FAM222B: variants seen among roughly 807,000 people sequenced by gnomAD.
The protein encoded by FAM222B is protein FAM222B.
Under a neutral mutation model 38.0 loss-of-function variants are expected in FAM222B, and 12 were observed. The observed-to-expected ratio is 0.32, with a 90% confidence interval of 0.20 to 0.51. The LOEUF (loss-of-function observed/expected upper bound fraction) is 0.51, where lower values mean the gene tolerates loss of function less well. Among genes scored for constraint, FAM222B ranks in the 20% least tolerant of loss-of-function variants. FAM222B has a pLI of 0.97. For synonymous variants in FAM222B, 329 were observed against 317.2 expected (o/e 1.04, Z -0.40); for missense variants, 716 against 754.2 (o/e 0.95, Z 0.59).
At chr17:28,821,190 G>A (rs537845108) in intron 1 of FAM222B, among the ~76,000 whole-genome samples, 5 of 151,926 alleles carry the variant, frequency 3.3e-5, no homozygotes, top group Non-Finnish European at 4.4e-5. Context: ...TCTTGACCTC[G>A]TGATCCACCC....
At chr17:28,773,479 CAAAAAAAAAA>C (rs66716142) in intron 1 of FAM222B, among the ~76,000 whole-genome samples, 5 of 60,788 alleles carry the variant, frequency 8.2e-5, no homozygotes, top group Non-Finnish European at 1.1e-4. Flanking sequence ...AACTCTGTCT[CAAAAAAAAAA>C]AAAAAAAAAA....
Position 28,792,838 on chromosome 17 carries a change from A to C in FAM222B, c.-40-26131T>G, listed in dbSNP as rs114279048. On this transcript the variant is annotated intron_variant, in intron 1 of 2. Coordinates refer to ENST00000581407, the MANE Select transcript of FAM222B (RefSeq NM_001077498.3). ...ACAGAAAGAGAAATGTCTATCTTGA[A>C]GGAGGAGCTGTTAATGATCCTCCCT... is the stretch of plus-strand genomic sequence containing the variant. Among the ~76,000 whole-genome samples, 588 of 151,926 alleles carry C rather than the reference A, an allele frequency of 3.9e-3. 5 individuals are homozygous for C. Among genetic ancestry groups the C allele is most frequent in the African/African-American group, 0.014 (569 of 41,496 alleles).
At chr17:28,773,479 C>CAA (rs66716142) in intron 1 of FAM222B, among the ~76,000 whole-genome samples, 736 of 60,056 alleles carry the variant, frequency 0.012, 12 homozygotes, top group East Asian at 0.019. Context: ...AACTCTGTCT[C>CAA]AAAAAAAAAA....
chr17:28,766,493 G>A, intron 2 of FAM222B, 93 bp downstream of exon 2: 1 of 953,284 alleles, frequency 1.0e-6, no homozygotes, highest in Non-Finnish European at 1.6e-6. Flanking sequence ...CAAAATTCAA[G>A]GTCAGTGTAC....
At chr17:28,828,682 AT>A (rs1308801621) in intron 1 of FAM222B, among the ~76,000 whole-genome samples, 2 of 152,220 alleles carry the variant, frequency 1.3e-5, no homozygotes, top group African/African-American at 2.4e-5. Context: ...AAAAAAGAAA[AT>A]TAAGCTAAAA....
rs2034724856 is a variant in FAM222B, at chr17:28,756,897, CCA to C, written c.*1371_*1372del. On this transcript the variant is annotated 3_prime_UTR_variant, in exon 3 of 3. Coordinates refer to ENST00000581407, the MANE Select transcript of FAM222B (RefSeq NM_001077498.3). ...AATAAGAACCATCAGCTGACATTCC[CCA>C]GAGACAAGAGGAAAGGTAAGGGCTT... The C allele has an allele frequency of 1.3e-5, 2 of 152,268 alleles. No individual in the cohort carries two copies. The highest frequency in any genetic ancestry group is 1.3e-4 in the Admixed American group (2 of 15,254). The allele number at this position is 152,268 out of a possible 1,614,324, so 9.4% of individuals were successfully genotyped here.
chr17:28,813,116 A>G lies in FAM222B; in HGVS notation c.-41+29566T>C, dbSNP rs2037873068. ...TGGGGTGGAGAAGGGAATACATGAAATCATCAGACACAAAAAAAAAAAAAA... is the reference window on the plus strand; with the variant it reads ...TGGGGTGGAGAAGGGAATACATGAAGTCATCAGACACAAAAAAAAAAAAAA... On this transcript the variant is annotated intron_variant, in intron 1 of 2. Coordinates refer to ENST00000581407, the MANE Select transcript of FAM222B (RefSeq NM_001077498.3). Among the ~76,000 whole-genome samples the G allele has an allele frequency of 1.7e-5, 2 of 116,522 alleles. 1 individual carries two copies. The highest frequency in any genetic ancestry group is 6.1e-4 in the South Asian group (2 of 3,254). 76.4% of individuals were successfully genotyped at this position (116,522 alleles called of 152,430 possible).
chr17:28,840,603 C>T (rs1393413740), intron 1 of FAM222B, among the ~76,000 whole-genome samples: 5 of 152,054 alleles, frequency 3.3e-5, no homozygotes, highest in Admixed American at 2.6e-4. Context: ...TCCAAAACAG[C>T]GACAGGTCCC....
chr17:28,805,411 T>C (rs2037439595), intron 1 of FAM222B, among the ~76,000 whole-genome samples: 1 of 152,158 alleles, frequency 6.6e-6, no homozygotes, highest in Admixed American at 6.5e-5. Context: ...GGTACATGCC[T>C]GTAATCCCAG....
intron 1 of FAM222B, among the ~76,000 whole-genome samples, chr17:28,842,030 A>AATTC (rs1435280697): frequency 7.2e-5 from 11 of 152,234 alleles, no homozygotes; most frequent in Non-Finnish European, 1.5e-4. Context: ...CATTAACATC[A>AATTC]ACATAGTACT....
intron 1 of FAM222B, among the ~76,000 whole-genome samples, chr17:28,768,763 A>AAGGCAGAGGTTGCAGT (rs1201345766): frequency 6.6e-6 from 1 of 150,472 alleles, no homozygotes; most frequent in East Asian, 2.0e-4. Context: ...TTGAACCCAG[A>AAGGCAGAGGTTGCAGT]AGGCAGAGGT....
At chr17:28,807,250 A>T (rs1276766155) in intron 1 of FAM222B, among the ~76,000 whole-genome samples, 2 of 152,154 alleles carry the variant, frequency 1.3e-5, no homozygotes, top group Admixed American at 1.3e-4. Flanking sequence ...TCCCGAACTC[A>T]GGTGATCCGC....
intron 1 of FAM222B, among the ~76,000 whole-genome samples, chr17:28,773,500 A>C (rs952375312): frequency 3.3e-5 from 5 of 150,824 alleles, no homozygotes; most frequent in African/African-American, 9.7e-5. Flanking sequence ...AAAAAAAAAA[A>C]AAGAATTCTG....
At chr17:28,843,409 T>A (rs1428935146), upstream of FAM222B, among the ~76,000 whole-genome samples, 1 of 150,212 alleles carries the variant, frequency 6.7e-6, no homozygotes, top group Non-Finnish European at 1.5e-5. Context: ...AGCGCTGGGA[T>A]TACAAGCATG....
chr17:28,797,780 T>C (rs1221849645), intron 1 of FAM222B, among the ~76,000 whole-genome samples: 1 of 152,124 alleles, frequency 6.6e-6, no homozygotes, highest in Non-Finnish European at 1.5e-5. Context: ...TACTAGAAAC[T>C]GGACAGCCAT....
intron 1 of FAM222B, among the ~76,000 whole-genome samples, chr17:28,854,141 C>T: frequency 6.6e-6 from 1 of 152,036 alleles, no homozygotes; most frequent in African/African-American, 2.4e-5. Context: ...GACCGGGTTT[C>T]ACCGTATTAG....
At chr17:28,772,284 G>C (rs528305257) in intron 1 of FAM222B, among the ~76,000 whole-genome samples, 1 of 152,104 alleles carries the variant, frequency 6.6e-6, no homozygotes, top group East Asian at 1.9e-4. Context: ...TATGAATCCA[G>C]AAAGAGCCAA....
At chr17:28,782,985 A>C (rs1370314007) in intron 1 of FAM222B, among the ~76,000 whole-genome samples, 2 of 151,460 alleles carry the variant, frequency 1.3e-5, no homozygotes, top group African/African-American at 2.4e-5. Flanking sequence ...AAAAATACAA[A>C]AAATTAGCCG....
At chr17:28,812,970 A>C (rs1232566778) in intron 1 of FAM222B, among the ~76,000 whole-genome samples, 1 of 130,842 alleles carries the variant, frequency 7.6e-6, no homozygotes, top group East Asian at 2.4e-4. Flanking sequence ...TCAACTGCAC[A>C]CATCAATCCT....
Sources: allele counts gnomAD v4.1 joint callset (sites outside exome capture counted in the v4.1 genomes callset), GRCh38; gene constraint gnomAD v4.1.1; transcripts MANE v1.5; gene names NCBI Gene and HGNC (gene_info 2026-07-23, HGNC 2026-07-21).